LRCH3: variants seen among roughly 807,000 people sequenced by gnomAD.
LRCH3 encodes DISP complex protein LRCH3.
LRCH3 carries 68 observed loss-of-function variants against 104.5 expected under a neutral mutation model. That is an observed-to-expected ratio of 0.65 (90% CI 0.54 to 0.80). The LOEUF (loss-of-function observed/expected upper bound fraction) is 0.80. Among genes scored for constraint, LRCH3 ranks in the 30% least tolerant of loss-of-function variants. The pLI, the probability that LRCH3 is intolerant of heterozygous loss-of-function variation, is 0.00. For synonymous variants in LRCH3, 344 were observed against 361.3 expected, an observed-to-expected ratio of 0.95 and a Z score of 0.54; for missense variants, 951 against 953.9, an observed-to-expected ratio of 1.00 and a Z score of 0.04.
chr3:197,835,400 C>A (rs1736626563), intron 8 of LRCH3, among the ~76,000 whole-genome samples: 1 of 150,540 alleles, frequency 6.6e-6, no homozygotes, highest in Non-Finnish European at 1.5e-5. Context: ...GTCAGGCTTG[C>A]CTTGAACTCC....
chr3:197,823,151 G>A (rs1289394609), intron 4 of LRCH3: 3 of 138,420 alleles, frequency 2.2e-5, no homozygotes, highest in Non-Finnish European at 4.6e-5. Flanking sequence ...TGTATTTTTA[G>A]TAGAGACGGG....
intron 1 of LRCH3, among the ~76,000 whole-genome samples, chr3:197,812,517 T>TTC (rs1560530953): frequency 7.4e-6 from 1 of 134,588 alleles, no homozygotes; most frequent in East Asian, 2.2e-4. Flanking sequence ...TTTTTTTTTT[T>TTC]TTTTTTTTTT....
intron 20 of LRCH3, chr3:197,881,963 A>C: frequency 1.0e-6 from 1 of 985,460 alleles, no homozygotes; most frequent in Non-Finnish European, 1.2e-6. Flanking sequence ...CAACACTGTG[A>C]TGATGAAAAC....
chr3:197,834,363 C>G (rs1243475132), intron 8 of LRCH3, among the ~76,000 whole-genome samples: 1 of 152,188 alleles, frequency 6.6e-6, no homozygotes, highest in African/African-American at 2.4e-5. Context: ...CCTTCCCATC[C>G]ATAAACTATT....
Position 197,810,888 on chromosome 3 carries a change from C to T in LRCH3, c.263-4020C>T, listed in dbSNP as rs1560529544. ...TAAAGTCAGGTTAAAAAAAATAAGA[C>T]TTTTGAATGAAAAGCATTAGAAAAA... is the stretch of plus-strand genomic sequence containing the variant. On this transcript the variant is annotated intron_variant, in intron 1 of 20. Coordinates refer to ENST00000425562, the MANE Select transcript of LRCH3 (RefSeq NM_001365715.1). The surrounding 1 kb of genome is among the most constrained non-coding windows in gnomAD (Gnocchi z 4.0). Among the ~76,000 whole-genome samples, 1 of 151,976 alleles carries T rather than the reference C, an allele frequency of 6.6e-6. No individual in the cohort carries two copies. The highest frequency in any genetic ancestry group is 1.5e-5 in the Non-Finnish European group (1 of 67,964).
intron 9 of LRCH3, among the ~76,000 whole-genome samples, chr3:197,838,279 T>C (rs116447525): frequency 0.027 from 4,116 of 152,310 alleles, 77 homozygotes; most frequent in Admixed American, 0.056. Context: ...TTTAAAATGG[T>C]GTCTTCACTA....
At chr3:197,881,685 G>T (rs1713785375) in intron 20 of LRCH3, 1 of 985,388 alleles carries the variant, frequency 1.0e-6, no homozygotes, top group Non-Finnish European at 1.2e-6. Flanking sequence ...TATAATTGCG[G>T]TTAGATTCTA....
chr3:197,868,141 C>T (rs748389001), intron 17 of LRCH3, among the ~76,000 whole-genome samples: 1 of 152,214 alleles, frequency 6.6e-6, no homozygotes, highest in Non-Finnish European at 1.5e-5. Context: ...GCATGGAAGA[C>T]TGTTATCAGT....
chr3:197,846,865 G>C (rs918015338), intron 10 of LRCH3, among the ~76,000 whole-genome samples: 2 of 151,800 alleles, frequency 1.3e-5, no homozygotes, highest in African/African-American at 4.9e-5. Context: ...TGAGAAGGAA[G>C]TACTACTTTT....
At chr3:197,880,234 C>T (rs969733203) in intron 20 of LRCH3, among the ~76,000 whole-genome samples, 30 of 151,974 alleles carry the variant, frequency 2.0e-4, no homozygotes, top group African/African-American at 6.1e-4. Flanking sequence ...TGTGAGCCAC[C>T]GCGCCCGGCC....
chr3:197,872,379 AAG>A (rs1259292607), intron 19 of LRCH3, among the ~76,000 whole-genome samples: 2 of 146,550 alleles, frequency 1.4e-5, no homozygotes, highest in Admixed American at 6.7e-5. Flanking sequence ...AAAAAAAAAA[AAG>A]GAATGATGAA....
chr3:197,846,145 G>T (rs1396477693), intron 10 of LRCH3, among the ~76,000 whole-genome samples: 2 of 152,056 alleles, frequency 1.3e-5, no homozygotes, highest in African/African-American at 4.8e-5. Flanking sequence ...GCCCACACCC[G>T]TAATCCCAGC....
At chr3:197,813,322 C>G (rs1195554397) in intron 1 of LRCH3, among the ~76,000 whole-genome samples, 1 of 149,290 alleles carries the variant, frequency 6.7e-6, no homozygotes, top group Non-Finnish European at 1.5e-5. Context: ...CAGTGGTAAG[C>G]AAATGAATCT....
In LRCH3 at chr3:197,883,538, C is replaced by A. The variant is rs2109587244; in HGVS notation, c.2209-3C>A. On this transcript the variant is annotated splice_polypyrimidine_tract_variant and splice_region_variant and intron_variant, in intron 20 of 20. Transcript: ENST00000425562. This position sits in a 1 kb window ranked among gnomAD's most constrained non-coding sequence, Gnocchi z 4.2. ...TGTTTTCATGTTACGTTGTCCCTTTCAGGAGCAATTATGTTTGCCTCTCCA... is the reference window on the plus strand; with the variant it reads ...TGTTTTCATGTTACGTTGTCCCTTTAAGGAGCAATTATGTTTGCCTCTCCA... 6.5e-7 allele frequency: 1 copy of A among 1,534,966 alleles called. No individual in the cohort carries two copies. The highest frequency in any genetic ancestry group is 2.4e-5 in the East Asian group (1 of 40,868).
chr3:197,868,707 T>G (rs1409955466), intron 17 of LRCH3, among the ~76,000 whole-genome samples: 1 of 152,172 alleles, frequency 6.6e-6, no homozygotes, highest in African/African-American at 2.4e-5. Flanking sequence ...TCTCATAAAC[T>G]TACCATTGAT....
At chr3:197,791,718 C>T (rs1730538429) in intron 1 of LRCH3, among the ~76,000 whole-genome samples, 178 bp downstream of exon 1, 1 of 151,978 alleles carries the variant, frequency 6.6e-6, no homozygotes, top group African/African-American at 2.4e-5. Flanking sequence ...AGACCCAGAG[C>T]CTGGGGAGAG....
chr3:197,879,946 T>TA (rs1053121909), intron 20 of LRCH3, among the ~76,000 whole-genome samples: 3 of 139,234 alleles, frequency 2.2e-5, no homozygotes, highest in African/African-American at 9.0e-5. Flanking sequence ...CTGTGTATTG[T>TA]ATTTTTTTTT....
At chr3:197,881,033 C>T (rs1180240854) in intron 20 of LRCH3, 35 of 1,179,306 alleles carry the variant, frequency 3.0e-5, no homozygotes, top group South Asian at 1.7e-4. Context: ...ACTTGTACTT[C>T]GAATATGACA....
chr3:197,800,059 G>A lies in LRCH3; in HGVS notation c.262+8519G>A, dbSNP rs1367565311. ...AAAAAATTAGCCAGGCGTGCTGGCA[G>A]GTGTTTGTAATCCCAGCTACTCGGG... On this transcript the variant is annotated intron_variant, in intron 1 of 20. Transcript: ENST00000425562. Among the ~76,000 whole-genome samples the A allele has an allele frequency of 2.7e-5, 4 of 149,122 alleles. No individual in the cohort carries two copies. The East Asian group carries it at 8.0e-4, about 30-fold the overall frequency.
Sources: allele counts gnomAD v4.1 joint callset (sites outside exome capture counted in the v4.1 genomes callset), GRCh38; gene constraint gnomAD v4.1.1; non-coding constraint Gnocchi (gnomAD v3.1); transcripts MANE v1.5; gene names NCBI Gene and HGNC (gene_info 2026-07-23, HGNC 2026-07-21).